The following ONECUT2 variants were observed in gnomAD, a reference collection of about 807,000 sequenced individuals.
ONECUT2 encodes one cut homeobox 2.
In ONECUT2, 10 loss-of-function variants were observed where a neutral mutation model predicts 27.9. The ratio of observed to expected loss-of-function variants is 0.36; its 90% CI spans 0.22 to 0.61. The LOEUF (loss-of-function observed/expected upper bound fraction) is 0.61. ONECUT2 is among the 20% of genes least tolerant of loss of function. The pLI is 0.73. For synonymous variants in ONECUT2, 334 were observed against 315.1 expected (o/e 1.06, Z -0.64); for missense variants, 686 against 721.0 (o/e 0.95, Z 0.56).
At position 57,481,126 on chromosome 18, in the gene ONECUT2, A is replaced by G. The variant is rs550940058; in HGVS notation, c.*4403A>G. 6 of 128,008 alleles carry G rather than the reference A, an allele frequency of 4.7e-5. No homozygotes were observed. The East Asian group carries it at 1.5e-3, about 32-fold the overall frequency. 7.9% of individuals were successfully genotyped at this position (128,008 alleles called of 1,614,324 possible). A position where few individuals can be genotyped will look rare whatever the true frequency, so the allele number is the denominator to read the frequency against. On this transcript the variant is annotated 3_prime_UTR_variant, in exon 2 of 2. Transcript: ENST00000491143. ...GGGATATAATTATTTCATTCCAGGA[A>G]ATAATAAAAAAAAACAGACAGAGCC...
intron 1 of ONECUT2, among the ~76,000 whole-genome samples, chr18:57,466,529 A>G (rs1437677392): frequency 3.9e-5 from 6 of 152,258 alleles, no homozygotes; most frequent in Non-Finnish European, 8.8e-5. Flanking sequence ...TGGATGGCTT[A>G]CAGGAATGCA....
Position 57,485,032 on chromosome 18 carries a change from C to T in ONECUT2, c.*8309C>T, listed in dbSNP as rs2050431909. 6.6e-6 allele frequency: 1 copy of T among 152,190 alleles called. No homozygotes were observed. Among genetic ancestry groups the T allele is most frequent in the Non-Finnish European group, 1.5e-5 (1 of 68,030 alleles). The allele number at this position is 152,190 out of a possible 1,614,324, so 9.4% of individuals were successfully genotyped here. A position where few individuals can be genotyped will look rare whatever the true frequency, so the allele number is the denominator to read the frequency against. On this transcript the variant is annotated 3_prime_UTR_variant, in exon 2 of 2. Coordinates refer to ENST00000491143, the MANE Select transcript of ONECUT2 (RefSeq NM_004852.3). ...TGGCCTGTCTTGAAATACTAGGGCT[C>T]ATACGGGATTTTTGCCCTAGGAAAA...
intron 1 of ONECUT2, among the ~76,000 whole-genome samples, chr18:57,438,091 G>C (rs965936135): frequency 6.6e-6 from 1 of 152,198 alleles, no homozygotes; most frequent in Non-Finnish European, 1.5e-5. Context: ...CTGTGTGGGC[G>C]GCGGGTGCGC....
chr18:57,438,014 T>C (rs950233392), intron 1 of ONECUT2, among the ~76,000 whole-genome samples: 5 of 152,242 alleles, frequency 3.3e-5, no homozygotes, highest in African/African-American at 1.2e-4. Context: ...GCTCGGCTCT[T>C]TGTGCCTCCT....
rs1568126737 is a variant in ONECUT2 at position 57,481,442 on chromosome 18, C to G, written c.*4719C>G. On this transcript the variant is annotated 3_prime_UTR_variant, in exon 2 of 2. Coordinates refer to ENST00000491143, the MANE Select transcript of ONECUT2 (RefSeq NM_004852.3). ...ATTTGGAATGTAAATCTGATACACA[C>G]ACACTTTTCTAAGTCAAACAACATA... 1 of 152,226 alleles carries G rather than the reference C, an allele frequency of 6.6e-6. No individual in the cohort carries two copies. Among genetic ancestry groups the G allele is most frequent in the Non-Finnish European group, 1.5e-5 (1 of 68,034 alleles). 9.4% of individuals were successfully genotyped at this position (152,226 alleles called of 1,614,324 possible). A position where few individuals can be genotyped will look rare whatever the true frequency, so the allele number is the denominator to read the frequency against.
rs1038974701 is a variant in ONECUT2, at chr18:57,471,304, C to T, written c.1229-5133C>T. On this transcript the variant is annotated intron_variant, in intron 1 of 1. Coordinates refer to ENST00000491143, the MANE Select transcript of ONECUT2 (RefSeq NM_004852.3). Reference sequence around the variant, plus strand: ...AGCTCCTAGAACGCCCAGGAGCAGCCACTCTGGAGGCAAAGTAGACCTGGC... The same window carrying T: ...AGCTCCTAGAACGCCCAGGAGCAGCTACTCTGGAGGCAAAGTAGACCTGGC... 2.6e-5 allele frequency among the ~76,000 whole-genome samples: 4 copies of T among 152,186 alleles called. No homozygotes were observed. The East Asian group carries it at 7.7e-4, about 29-fold the overall frequency.
chr18:57,474,216 A>C (rs1202832294), intron 1 of ONECUT2, among the ~76,000 whole-genome samples: 1 of 152,146 alleles, frequency 6.6e-6, no homozygotes, highest in Non-Finnish European at 1.5e-5. Context: ...TGAGAGTATC[A>C]GTGCATTTTG....
chr18:57,436,761 T>C lies in ONECUT2; in HGVS notation c.1045T>C (p.Tyr349His). The C allele has an allele frequency of 1.2e-6, 2 of 1,614,030 alleles. No homozygotes were observed. Among genetic ancestry groups the C allele is most frequent in the Non-Finnish European group, 1.7e-6 (2 of 1,180,048 alleles). ...GCGCATCACAGCGGAGCTGAAGCGC[T>C]ACAGTATCCCCCAGGCGATCTTTGC... ...AQRITAELKR[Y>H]SIPQAIFAQR... The change falls in exon 1 of 2, where the codon TAC becomes CAC. Residue 349 changes from tyrosine (Y) to histidine (H), a missense_variant. Around this residue, in one of 4 missense-constraint regions of ONECUT2, gnomAD observed 47 missense variants for 86.0 expected, o/e 0.55. Coordinates refer to ENST00000491143, the MANE Select transcript of ONECUT2 (RefSeq NM_004852.3). The surrounding 1 kb of genome is among the most constrained non-coding windows in gnomAD (Gnocchi z 5.9).
chr18:57,472,555 G>A (rs1267832162), intron 1 of ONECUT2, among the ~76,000 whole-genome samples: 1 of 152,158 alleles, frequency 6.6e-6, no homozygotes, highest in South Asian at 2.1e-4. Context: ...CTTCTAGACT[G>A]CAAGCTACAG....
At chr18:57,471,543 A>C (rs1402413455) in intron 1 of ONECUT2, among the ~76,000 whole-genome samples, 1 of 152,162 alleles carries the variant, frequency 6.6e-6, no homozygotes, top group East Asian at 1.9e-4. Context: ...GATCTCAGAG[A>C]GGGCTTGTGC....
At chr18:57,449,615 A>G (rs1229117553) in intron 1 of ONECUT2, among the ~76,000 whole-genome samples, 1 of 152,236 alleles carries the variant, frequency 6.6e-6, no homozygotes, top group Non-Finnish European at 1.5e-5. Flanking sequence ...ACTCTAGACT[A>G]AGGACCCATT....
chr18:57,459,276 G>A (rs1482384838), intron 1 of ONECUT2, among the ~76,000 whole-genome samples: 1 of 152,212 alleles, frequency 6.6e-6, no homozygotes, highest in African/African-American at 2.4e-5. Flanking sequence ...AAGAGTGGGA[G>A]TAACTATACT....
chr18:57,461,985 C>T (rs1443549867), intron 1 of ONECUT2, among the ~76,000 whole-genome samples: 2 of 152,234 alleles, frequency 1.3e-5, no homozygotes, highest in African/African-American at 4.8e-5. Context: ...ATATATTCAA[C>T]CATTGCAGAT....
In ONECUT2 at chr18:57,487,582, C is replaced by T. The variant is rs1317676261; in HGVS notation, c.*10859C>T. On this transcript the variant is annotated 3_prime_UTR_variant, in exon 2 of 2. Coordinates refer to ENST00000491143, the MANE Select transcript of ONECUT2 (RefSeq NM_004852.3). ...TCTTCTCTGCCCACTTCTCTTTTGT[C>T]CACTCTCCTAGACATTCCCACCAAC... 1 of 152,094 alleles carries T rather than the reference C, an allele frequency of 6.6e-6. No individual in the cohort carries two copies. The highest frequency in any genetic ancestry group is 1.5e-5 in the Non-Finnish European group (1 of 68,014). The allele number at this position is 152,094 out of a possible 1,614,324, so 9.4% of individuals were successfully genotyped here.
At position 57,489,657 on chromosome 18, in the gene ONECUT2, A is replaced by G. The variant is rs914443751; in HGVS notation, c.*12934A>G. 1 of 100,786 alleles carries G rather than the reference A, an allele frequency of 9.9e-6. No homozygotes were observed. Among genetic ancestry groups the G allele is most frequent in the East Asian group, 2.9e-4 (1 of 3,396 alleles). 6.2% of individuals were successfully genotyped at this position (100,786 alleles called of 1,614,324 possible). A position where few individuals can be genotyped will look rare whatever the true frequency, so the allele number is the denominator to read the frequency against. ...ATGACAAGGAACCTGCCACCTGGGA[A>G]GAAAAGAGTCCGAAGACTAGCAATC... On this transcript the variant is annotated 3_prime_UTR_variant, in exon 2 of 2. Transcript: ENST00000491143.
Position 57,455,027 on chromosome 18 carries a change from A to G in ONECUT2, c.1228+18083A>G, listed in dbSNP as rs374045578. The stretch of plus-strand genomic sequence containing the variant: ...CATCATCTGTCTCTATAATGATCAC[A>G]GGTTTGGGGGGCCTTATCAGAAAGT... On this transcript the variant is annotated intron_variant, in intron 1 of 1. Coordinates refer to ENST00000491143, the MANE Select transcript of ONECUT2 (RefSeq NM_004852.3). Among the ~76,000 whole-genome samples, 7 of 152,338 alleles carry G rather than the reference A, an allele frequency of 4.6e-5. No homozygotes were observed. In the East Asian group the frequency reaches 1.3e-3, roughly 29 times the overall value.
chr18:57,436,480 A>G lies in ONECUT2; in HGVS notation c.764A>G (p.Asp255Gly). The G allele has an allele frequency of 1.2e-6, 2 of 1,613,294 alleles. No individual in the cohort carries two copies. The highest frequency in any genetic ancestry group is 1.7e-6 in the Non-Finnish European group (2 of 1,179,810). Residue 255 changes from aspartate (D) to glycine (G), a missense_variant, in exon 1 of 2, where the codon GAC becomes GGC. Physicochemically the swap from Asp to Gly is moderately conservative, Grantham distance 94. Transcript: ENST00000491143. The surrounding 1 kb of genome is among the most constrained non-coding windows in gnomAD (Gnocchi z 5.9). Reference protein sequence around the residue: ...SLPNYGPPGHDKMLSPNFDAH... With the variant: ...SLPNYGPPGHGKMLSPNFDAH... The stretch of plus-strand genomic sequence containing the variant: ...CCCAACTACGGTCCGCCGGGCCACG[A>G]CAAAATGCTCAGCCCCAACTTCGAC...
In ONECUT2 at chr18:57,489,592, A is replaced by G. The variant is rs1167985307; in HGVS notation, c.*12869A>G. 1.3e-5 allele frequency: 2 copies of G among 152,322 alleles called. No homozygotes were observed. Among genetic ancestry groups the G allele is most frequent in the South Asian group, 2.1e-4 (1 of 4,828 alleles). 9.4% of individuals were successfully genotyped at this position (152,322 alleles called of 1,614,324 possible). A position where few individuals can be genotyped will look rare whatever the true frequency, so the allele number is the denominator to read the frequency against. The stretch of plus-strand genomic sequence containing the variant: ...GCTTTGGTCCAGTTTGGCCTTTAGC[A>G]TAAGAGTCAGCTTTATCTCTAGGAA... On this transcript the variant is annotated 3_prime_UTR_variant, in exon 2 of 2. Transcript: ENST00000491143.
chr18:57,442,243 G>GTTTTTTTT (rs1568118321), intron 1 of ONECUT2, among the ~76,000 whole-genome samples: 1 of 127,504 alleles, frequency 7.8e-6, no homozygotes. Context: ...AATTCTTCTG[G>GTTTTTTTT]GTTTTTTTTT....
Sources: allele counts gnomAD v4.1 joint callset (sites outside exome capture counted in the v4.1 genomes callset), GRCh38; gene constraint gnomAD v4.1.1; regional missense constraint gnomAD v4.1.1; non-coding constraint Gnocchi (gnomAD v3.1); transcripts MANE v1.5; gene names NCBI Gene and HGNC (gene_info 2026-07-23, HGNC 2026-07-21).